Variants in ZNF618 observed in about 807,000 individuals in gnomAD.
ZNF618 encodes neural precursor cell expressed, developmentally down-regulated 10.
ZNF618 carries 34 observed loss-of-function variants against 103.0 expected under a neutral mutation model. The ratio of observed to expected loss-of-function variants is 0.33; its 90% CI spans 0.25 to 0.44. ZNF618 has a LOEUF of 0.44. Ranked by LOEUF, ZNF618 falls within the 20% of genes least tolerant of loss-of-function variation. The pLI, the probability that ZNF618 is intolerant of heterozygous loss-of-function variation, is 1.00. For synonymous variants in ZNF618, 551 were observed against 542.2 expected (o/e 1.02, Z -0.23); for missense variants, 1,059 against 1,295.4 (o/e 0.82, Z 2.80).
chr9:113,946,823 C>A (rs896416390), intron 1 of ZNF618, among the ~76,000 whole-genome samples: 1 of 152,144 alleles, frequency 6.6e-6, no homozygotes, highest in African/African-American at 2.4e-5. Context: ...TGCAAGGGAG[C>A]CTAGTGGCTG....
At chr9:114,023,376 A>T (rs1843231314) in intron 10 of ZNF618, among the ~76,000 whole-genome samples, 1 of 152,096 alleles carries the variant, frequency 6.6e-6, no homozygotes, top group Non-Finnish European at 1.5e-5. Flanking sequence ...CATATAATAT[A>T]AAAGCTTTAC....
intron 1 of ZNF618, among the ~76,000 whole-genome samples, chr9:113,964,610 A>G (rs1173660936): frequency 1.3e-5 from 2 of 152,168 alleles, no homozygotes; most frequent in African/African-American, 2.4e-5. Context: ...GGTTTTTCCA[A>G]ACACACAGCG....
intron 1 of ZNF618, among the ~76,000 whole-genome samples, chr9:113,903,960 C>T (rs1161229414): frequency 3.3e-5 from 5 of 149,884 alleles, no homozygotes; most frequent in Admixed American, 6.7e-5. Flanking sequence ...AGAAAACTTT[C>T]GGCCATTATT....
chr9:113,912,551 G>A (rs997072825), intron 1 of ZNF618, among the ~76,000 whole-genome samples: 2 of 152,222 alleles, frequency 1.3e-5, no homozygotes, highest in African/African-American at 4.8e-5. Context: ...GGGAACTCAG[G>A]AGTAAGTCGG....
intron 1 of ZNF618, among the ~76,000 whole-genome samples, chr9:113,913,107 T>G (rs1831710566): frequency 6.6e-6 from 1 of 152,046 alleles, no homozygotes; most frequent in African/African-American, 2.4e-5. Flanking sequence ...AGAGTGGATT[T>G]CACCAGGAAC....
At chr9:113,889,333 CTCTCTCTCTCTCTT>C (rs1829382721) in intron 1 of ZNF618, among the ~76,000 whole-genome samples, 1 of 150,592 alleles carries the variant, frequency 6.6e-6, no homozygotes, top group African/African-American at 2.4e-5. Flanking sequence ...CTCTCTCTCT[CTCTCTCTCTCTCTT>C]TCTCTCCCTC....
chr9:114,047,382 A>G (rs903076566), intron 13 of ZNF618, among the ~76,000 whole-genome samples: 7 of 152,170 alleles, frequency 4.6e-5, no homozygotes, highest in African/African-American at 1.4e-4. Flanking sequence ...TGTGTCACAC[A>G]TGGCTTTGGT....
chr9:113,957,953 G>A (rs17201899), intron 1 of ZNF618, among the ~76,000 whole-genome samples: 2,667 of 151,988 alleles, frequency 0.018, 30 homozygotes, highest in Non-Finnish European at 0.029. Flanking sequence ...CGCTCCAGGC[G>A]GTTTTCCCTA....
intron 1 of ZNF618, among the ~76,000 whole-genome samples, chr9:113,933,796 C>T (rs1833810062): frequency 6.6e-6 from 1 of 151,802 alleles, no homozygotes; most frequent in Non-Finnish European, 1.5e-5. Context: ...GGCAAAGGGG[C>T]AATCATTGTG....
chr9:113,882,115 A>G (rs1828580790), intron 1 of ZNF618, among the ~76,000 whole-genome samples: 1 of 152,246 alleles, frequency 6.6e-6, no homozygotes, highest in Non-Finnish European at 1.5e-5. Context: ...TGGCCTGGCA[A>G]TGAAATCTAT....
At chr9:113,913,408 A>G (rs1831750068) in intron 1 of ZNF618, among the ~76,000 whole-genome samples, 1 of 152,244 alleles carries the variant, frequency 6.6e-6, no homozygotes, top group African/African-American at 2.4e-5. Flanking sequence ...AAACCCTGCA[A>G]TGTGCAGCAT....
At chr9:113,972,160 A>AAGTAG (rs747769214) in intron 2 of ZNF618, among the ~76,000 whole-genome samples, 3,388 of 152,068 alleles carry the variant, frequency 0.022, 54 homozygotes, top group Non-Finnish European at 0.033. Flanking sequence ...CAATCCTTCC[A>AAGTAG]TCTCAGCCTC....
chr9:113,906,395 C>T (rs1830992440), intron 1 of ZNF618, among the ~76,000 whole-genome samples: 1 of 152,136 alleles, frequency 6.6e-6, no homozygotes, highest in African/African-American at 2.4e-5. Flanking sequence ...TTCTGATGGG[C>T]ATTTCGCTCT....
chr9:114,015,575 C>T (rs935825105), intron 9 of ZNF618, among the ~76,000 whole-genome samples: 1 of 152,192 alleles, frequency 6.6e-6, no homozygotes, highest in African/African-American at 2.4e-5. Context: ...AATACATACC[C>T]TTTCCCTCTC....
At chr9:114,015,385 A>G (rs995725939) in intron 9 of ZNF618, among the ~76,000 whole-genome samples, 4 of 152,238 alleles carry the variant, frequency 2.6e-5, no homozygotes, top group Non-Finnish European at 4.4e-5. Flanking sequence ...ATGAAAAATA[A>G]TCAATTTCCT....
At chr9:113,976,917 T>A (rs1040875535) in intron 2 of ZNF618, among the ~76,000 whole-genome samples, 6 of 152,294 alleles carry the variant, frequency 3.9e-5, no homozygotes, top group East Asian at 3.9e-4. Context: ...GTATCCTTAG[T>A]GTGGACAGGG....
chr9:114,033,832 GGCACTGGGCTGGGCACTACT>G (rs2134286075), intron 12 of ZNF618, among the ~76,000 whole-genome samples: 1 of 120,118 alleles, frequency 8.3e-6, no homozygotes, highest in East Asian at 2.8e-4. Context: ...GCCTGTGCCA[GGCACTGGGCTGGGCACTACT>G]GCCTGGGTGT....
chr9:114,039,344 T>G (rs546383453), intron 13 of ZNF618, among the ~76,000 whole-genome samples: 47 of 119,070 alleles, frequency 3.9e-4, no homozygotes, highest in Middle Eastern at 3.7e-3. Flanking sequence ...TTGTTTGTTT[T>G]TTTTTTTTTT....
chr9:114,014,936 G>C (rs1054239593), intron 9 of ZNF618, among the ~76,000 whole-genome samples: 2 of 152,050 alleles, frequency 1.3e-5, no homozygotes, highest in Admixed American at 6.5e-5. Flanking sequence ...GATCCCATGA[G>C]CTTTTAGGTA....
Sources: gnomAD v4.1 joint callset for allele counts (sites outside exome capture counted in the v4.1 genomes callset) on GRCh38, gnomAD v4.1.1 for gene constraint, MANE v1.5 for transcripts, NCBI Gene and HGNC (gene_info 2026-07-23, HGNC 2026-07-21) for gene names.